Variants in CHL1 observed in about 807,000 individuals in gnomAD.
CHL1 encodes cell adhesion molecule L1 like.
Under a neutral mutation model 141.9 loss-of-function variants are expected in CHL1, and 96 were observed. The observed-to-expected ratio is 0.68, with a 90% CI of 0.57 to 0.80. The LOEUF is 0.80. CHL1 is among the 30% of genes least tolerant of loss of function. CHL1 has a pLI of 0.00. For synonymous variants in CHL1, 613 were observed against 502.2 expected (o/e 1.22, Z -2.95); for missense variants, 1,820 against 1,457.2 (o/e 1.25, Z -4.05).
At position 390,696 on chromosome 3, in the gene CHL1, A is replaced by T; in HGVS notation, c.2471-5A>T. ...GAAAACTAATCAATCTTCTATGATT[A>T]ACAGATCCTGATACAGCTCCAGTGA... is the stretch of plus-strand genomic sequence containing the variant. On this transcript the variant is annotated splice_polypyrimidine_tract_variant and splice_region_variant and intron_variant, in intron 20 of 27. Transcript: ENST00000256509. 6.7e-7 allele frequency: 1 copy of T among 1,496,338 alleles called. No individual in the cohort carries two copies. The highest frequency in any genetic ancestry group is 9.3e-7 in the Non-Finnish European group (1 of 1,074,344). 92.7% of individuals were successfully genotyped at this position (1,496,338 alleles called of 1,614,324 possible). A position where few individuals can be genotyped will look rare whatever the true frequency, so the allele number is the denominator to read the frequency against.
chr3:224,829 G>A (rs1112886), intron 1 of CHL1, among the ~76,000 whole-genome samples: 31,364 of 152,150 alleles, frequency 0.21, 3,512 homozygotes, highest in Middle Eastern at 0.38. Context: ...ATAGAAAAGT[G>A]GAAAATATCA....
intron 1 of CHL1, among the ~76,000 whole-genome samples, chr3:216,215 G>A (rs1431961010): frequency 6.6e-6 from 1 of 152,182 alleles, no homozygotes; most frequent in Admixed American, 6.5e-5. Flanking sequence ...GAAGTGCTAT[G>A]GGGGATATTG....
At chr3:277,390 C>A (rs774234070) in intron 2 of CHL1, among the ~76,000 whole-genome samples, 5 of 152,114 alleles carry the variant, frequency 3.3e-5, no homozygotes, top group Non-Finnish European at 7.4e-5. Flanking sequence ...ACTGTGAAAC[C>A]AGAGGATAAT....
At chr3:339,435 TG>T (rs1702191678) in intron 5 of CHL1, among the ~76,000 whole-genome samples, 1 of 152,194 alleles carries the variant, frequency 6.6e-6, no homozygotes, top group South Asian at 2.1e-4. Context: ...GATTCAAAGA[TG>T]GTTGCTATTT....
intron 1 of CHL1, among the ~76,000 whole-genome samples, chr3:219,154 A>AGACTCAC: frequency 6.6e-6 from 1 of 152,024 alleles, no homozygotes; most frequent in African/African-American, 2.4e-5. Context: ...GTCAAAAAAA[A>AGACTCAC]AAAGGTCAAA....
At chr3:223,539 G>A (rs1265698419) in intron 1 of CHL1, among the ~76,000 whole-genome samples, 1 of 152,184 alleles carries the variant, frequency 6.6e-6, no homozygotes, top group Admixed American at 6.5e-5. Flanking sequence ...TTGGCATATA[G>A]ACTTGCTATG....
intron 1 of CHL1, chr3:197,551 G>C (rs1267793653): frequency 1.0e-5 from 3 of 300,154 alleles, no homozygotes; most frequent in African/African-American, 2.2e-5. Context: ...GACACCGCCT[G>C]GTGTGTGGGG....
chr3:298,760 G>A (rs1014831314), intron 2 of CHL1, among the ~76,000 whole-genome samples: 1 of 152,126 alleles, frequency 6.6e-6, no homozygotes, highest in Admixed American at 6.6e-5. Flanking sequence ...CCTATTATTT[G>A]ACCATATTCC....
At chr3:374,684 GA>G (rs1706087905) in intron 15 of CHL1, among the ~76,000 whole-genome samples, 1 of 152,188 alleles carries the variant, frequency 6.6e-6, no homozygotes, top group Admixed American at 6.5e-5. Context: ...CCTTAGCTCA[GA>G]AGAGGCCCCA....
chr3:331,293 T>C (rs1460185929), intron 5 of CHL1, among the ~76,000 whole-genome samples: 1 of 152,156 alleles, frequency 6.6e-6, no homozygotes, highest in Non-Finnish European at 1.5e-5. Flanking sequence ...GGTGCAGTCA[T>C]GGCTTCATGG....
At chr3:208,017 TGCC>T (rs1298164833) in intron 1 of CHL1, among the ~76,000 whole-genome samples, 1 of 152,220 alleles carries the variant, frequency 6.6e-6, no homozygotes, top group Non-Finnish European at 1.5e-5. Flanking sequence ...TCAGAATGAA[TGCC>T]ATCCAATCAA....
intron 2 of CHL1, among the ~76,000 whole-genome samples, chr3:310,249 G>A (rs77326044): frequency 0.098 from 14,969 of 152,112 alleles, 1,058 homozygotes; most frequent in East Asian, 0.34. Flanking sequence ...GGACAGCATA[G>A]TGAGACCCCT....
chr3:328,395 G>C, intron 5 of CHL1, 41 bp downstream of exon 5: 2 of 1,519,926 alleles, frequency 1.3e-6, no homozygotes, highest in Non-Finnish European at 1.8e-6. Flanking sequence ...AAGTGTTTTA[G>C]TGAAGTGTTA....
At chr3:305,208 C>T (rs979160552) in intron 2 of CHL1, among the ~76,000 whole-genome samples, 1 of 152,086 alleles carries the variant, frequency 6.6e-6, no homozygotes, top group South Asian at 2.1e-4. Context: ...GGCTAAAAGT[C>T]ACTTTTATTT....
chr3:207,596 C>G (rs920823763), intron 1 of CHL1, among the ~76,000 whole-genome samples: 14 of 152,166 alleles, frequency 9.2e-5, no homozygotes, highest in African/African-American at 3.1e-4. Flanking sequence ...ATTTTAACAT[C>G]TATCACCTAT....
intron 6 of CHL1, among the ~76,000 whole-genome samples, chr3:341,613 T>A (rs1350754557): frequency 6.6e-6 from 1 of 152,176 alleles, no homozygotes; most frequent in African/African-American, 2.4e-5. Context: ...TTCAGCCAAT[T>A]CAGATTCATA....
chr3:286,023 AT>A (rs1409654846), intron 2 of CHL1, among the ~76,000 whole-genome samples: 2 of 152,232 alleles, frequency 1.3e-5, no homozygotes, highest in Non-Finnish European at 1.5e-5. Context: ...ATAAATGAAC[AT>A]AATATGTAAT....
intron 2 of CHL1, among the ~76,000 whole-genome samples, chr3:308,253 G>A (rs943052251): frequency 5.3e-5 from 8 of 152,094 alleles, no homozygotes; most frequent in South Asian, 2.1e-4. Flanking sequence ...AAATTCATTC[G>A]TTCATCCAGA....
chr3:389,620 G>T, intron 20 of CHL1, 146 bp downstream of exon 20: 2 of 642,332 alleles, frequency 3.1e-6, no homozygotes, highest in Non-Finnish European at 5.4e-6. Flanking sequence ...TATAACACAT[G>T]ACTTCTATCT....
Sources: gnomAD v4.1 joint callset for allele counts (sites outside exome capture counted in the v4.1 genomes callset) on GRCh38, gnomAD v4.1.1 for gene constraint, MANE v1.5 for transcripts, NCBI Gene and HGNC (gene_info 2026-07-23, HGNC 2026-07-21) for gene names.